Variants in TDRD12 observed in about 807,000 individuals in gnomAD.
The protein encoded by TDRD12 is tudor domain containing 12.
Under a neutral mutation model 133.5 loss-of-function variants are expected in TDRD12, and 158 were observed. That is an observed-to-expected ratio of 1.18 (90% CI 1.04 to 1.35). The LOEUF is 1.35. Among genes scored for constraint, TDRD12 ranks in the 40% most tolerant of loss-of-function variants. The pLI is 0.00. For synonymous variants in TDRD12, 460 were observed against 477.9 expected, an observed-to-expected ratio of 0.96 and a Z score of 0.49; for missense variants, 1,443 against 1,321.3, an observed-to-expected ratio of 1.09 and a Z score of -1.43.
exon 10 of TDRD12, chr19:32,827,375 T>A: frequency 2.9e-5 from 8 of 278,164 alleles, no homozygotes; most frequent in South Asian, 2.1e-4. Flanking sequence ...TTCTTTTCTT[T>A]TTTTTTTTTT....
At chr19:32,765,697 T>A (rs925339104) in intron 8 of TDRD12, among the ~76,000 whole-genome samples, 2 of 150,716 alleles carry the variant, frequency 1.3e-5, no homozygotes, top group African/African-American at 4.9e-5. Context: ...ATGGGAACAC[T>A]TGGACACAGG....
chr19:32,754,394 G>C (rs1471710805), intron 6 of TDRD12, among the ~76,000 whole-genome samples: 2 of 152,054 alleles, frequency 1.3e-5, no homozygotes, highest in Admixed American at 1.3e-4. Flanking sequence ...ACTTGTGCCT[G>C]GGAGGCAGAG....
intron 4 of TDRD12, 136 bp downstream of exon 4, chr19:32,743,036 A>C: frequency 9.0e-7 from 1 of 1,110,958 alleles, no homozygotes; most frequent in South Asian, 1.8e-5. Flanking sequence ...CTTCTGAGTC[A>C]GTGTTTGTCT....
At position 32,795,348 on chromosome 19, in the gene TDRD12, A is replaced by G. The variant is rs943573549; in HGVS notation, c.1473+535A>G. ...AACTCCATCTCAGAAAAAAAAAAAA[A>G]AAAAGAAAGAAAAAGAAAAAATGGA... On this transcript the variant is annotated intron_variant, in intron 14 of 27. Coordinates refer to ENST00000444215, the Ensembl canonical transcript of TDRD12. Among the ~76,000 whole-genome samples the G allele has an allele frequency of 2.4e-3, 360 of 152,014 alleles. 2 individuals are homozygous for G. Among genetic ancestry groups the G allele is most frequent in the Non-Finnish European group, 4.3e-3 (289 of 67,954 alleles).
intron 4 of TDRD12, among the ~76,000 whole-genome samples, chr19:32,745,606 G>A (rs1251520195): frequency 6.6e-6 from 1 of 152,164 alleles, no homozygotes; most frequent in Non-Finnish European, 1.5e-5. Context: ...GTATTCATGT[G>A]ATTATTGTGT....
chr19:32,815,482 C>T, exon 26 of TDRD12: 1 of 1,536,468 alleles, frequency 6.5e-7, no homozygotes, highest in Non-Finnish European at 8.7e-7. Flanking sequence ...TTAAAAACCT[C>T]TGTCATTGAT....
In TDRD12 at chr19:32,763,052, G is replaced by A. The variant is rs118029940; in HGVS notation, c.865+5922G>A. The stretch of plus-strand genomic sequence containing the variant: ...AGTGATTATGCTATGATGTTGCTAG[G>A]CAATAGGAATTTTTCATCTTCATTA... On this transcript the variant is annotated intron_variant, in intron 8 of 27. Transcript: ENST00000444215. Among the ~76,000 whole-genome samples, 21 of 152,248 alleles carry A rather than the reference G, an allele frequency of 1.4e-4. 1 individual carries two copies. In the East Asian group the frequency reaches 4.0e-3, roughly 29 times the overall value.
intron 11 of TDRD12, among the ~76,000 whole-genome samples, chr19:32,784,842 T>C (rs1970861714): frequency 6.6e-6 from 1 of 152,216 alleles, no homozygotes; most frequent in South Asian, 2.1e-4. Context: ...CCCTTTATCA[T>C]TTTTTATTGT....
At chr19:32,801,867 A>G in exon 19 of TDRD12, 1 of 1,259,476 alleles carries the variant, frequency 7.9e-7, no homozygotes, top group Non-Finnish European at 1.1e-6. Context: ...CTCTCAAATT[A>G]TATTAGGTAA....
exon 10 of TDRD12, chr19:32,828,013 C>T (rs1390823726): frequency 5.9e-5 from 9 of 152,256 alleles, no homozygotes. Flanking sequence ...TTCTAATGTA[C>T]ACACTTAGAC....
intron 11 of TDRD12, among the ~76,000 whole-genome samples, 196 bp downstream of exon 11, chr19:32,777,425 G>T (rs1392886389): frequency 2.6e-5 from 4 of 151,948 alleles, no homozygotes; most frequent in Admixed American, 2.0e-4. Context: ...TCTGTTTAAA[G>T]CTTTGTTCCA....
At chr19:32,738,755 G>T in intron 2 of TDRD12, 101 bp from the exon 3 acceptor site, 1 of 1,270,144 alleles carries the variant, frequency 7.9e-7, no homozygotes, top group Non-Finnish European at 1.1e-6. Flanking sequence ...GGAGATTGCA[G>T]TGAGCTGAGA....
intron 14 of TDRD12, among the ~76,000 whole-genome samples, chr19:32,797,026 G>A (rs543200892): frequency 1.6e-4 from 24 of 151,190 alleles, no homozygotes; most frequent in Admixed American, 1.3e-3. Flanking sequence ...TGTCACCCAG[G>A]CTGGAGTGCA....
At chr19:32,780,027 C>T (rs1970714787) in intron 11 of TDRD12, among the ~76,000 whole-genome samples, 1 of 151,752 alleles carries the variant, frequency 6.6e-6, no homozygotes, top group Non-Finnish European at 1.5e-5. Context: ...CTACTTTGTA[C>T]TGCCCACTGA....
chr19:32,770,725 G>C (rs1260042841), intron 8 of TDRD12, among the ~76,000 whole-genome samples: 2 of 152,112 alleles, frequency 1.3e-5, no homozygotes, highest in African/African-American at 2.4e-5. Flanking sequence ...TTCCTAATCT[G>C]AAAAGGGGGA....
chr19:32,749,144 A>G (rs1969745756), intron 5 of TDRD12, among the ~76,000 whole-genome samples: 1 of 152,046 alleles, frequency 6.6e-6, no homozygotes, highest in South Asian at 2.1e-4. Flanking sequence ...ATCTGGGTAG[A>G]GGAGGAGCCA....
intron 27 of TDRD12, among the ~76,000 whole-genome samples, chr19:32,820,716 C>T (rs1967351216): frequency 6.6e-6 from 1 of 152,138 alleles, no homozygotes; most frequent in South Asian, 2.1e-4. Context: ...TCAGGGGAAG[C>T]AGGAAACTGG....
chr19:32,739,539 T>G (rs1248396674), intron 3 of TDRD12, among the ~76,000 whole-genome samples: 1 of 138,466 alleles, frequency 7.2e-6, no homozygotes, highest in African/African-American at 2.7e-5. Flanking sequence ...GGGGCTCTCT[T>G]TGCATCTCCT....
At chr19:32,824,707 G>A (rs17206212), downstream of TDRD12, among the ~76,000 whole-genome samples, 16,078 of 152,082 alleles carry the variant, frequency 0.11, 1,070 homozygotes, top group Middle Eastern at 0.16. Flanking sequence ...TCCTGAGCTC[G>A]AGGGGATGCG....
Sources: gnomAD v4.1 joint callset for allele counts (sites outside exome capture counted in the v4.1 genomes callset) on GRCh38, gnomAD v4.1.1 for gene constraint, MANE v1.5 for transcripts, NCBI Gene and HGNC (gene_info 2026-07-23, HGNC 2026-07-21) for gene names.